Variants in SHISA9 observed in about 807,000 individuals in gnomAD.
The protein encoded by SHISA9 is shisa family member 9.
A neutral mutation model predicts 38.0 loss-of-function variants in SHISA9; 13 were observed. The ratio of observed to expected loss-of-function variants is 0.34; its 90% CI spans 0.22 to 0.54. The LOEUF (loss-of-function observed/expected upper bound fraction) is 0.54. Ranked by LOEUF, SHISA9 falls within the 20% of genes least tolerant of loss-of-function variation. The probability of loss-of-function intolerance (pLI) is 0.91; values close to 1 mark genes in which losing one functional copy is unlikely to be tolerated. For missense variants in SHISA9, 538 were observed against 575.8 expected, an observed-to-expected ratio of 0.93 and a Z score of 0.67; for synonymous variants, 275 against 242.0, an observed-to-expected ratio of 1.14 and a Z score of -1.27.
chr16:13,056,015 T>C (rs531101796), intron 2 of SHISA9, among the ~76,000 whole-genome samples: 53 of 152,162 alleles, frequency 3.5e-4, no homozygotes, highest in Non-Finnish European at 6.3e-4. Flanking sequence ...GCACAGTGGG[T>C]GGCAGATCCG....
At chr16:13,279,865 G>T in the SHISA9 span, among the ~76,000 whole-genome samples, 5 of 151,852 alleles carry the variant, frequency 3.3e-5, no homozygotes, top group Non-Finnish European at 7.4e-5. Context: ...TGTCACTCCA[G>T]TAATGCTCTT....
chr16:13,287,987 C>A, the SHISA9 span, among the ~76,000 whole-genome samples: 7 of 151,994 alleles, frequency 4.6e-5, no homozygotes, highest in Non-Finnish European at 1.0e-4. Context: ...GGACGAGGAG[C>A]TTTGGGAGGT....
intron 2 of SHISA9, among the ~76,000 whole-genome samples, chr16:13,135,418 A>C (rs1368302900): frequency 6.6e-5 from 10 of 152,212 alleles, no homozygotes; most frequent in Non-Finnish European, 1.2e-4. Context: ...CTACATCATC[A>C]TAGTCTTTCC....
the SHISA9 span, among the ~76,000 whole-genome samples, chr16:13,515,092 GT>G: frequency 6.6e-6 from 1 of 152,142 alleles, no homozygotes; most frequent in South Asian, 2.1e-4. Context: ...TCTATACTCA[GT>G]GAGAATATCT....
chr16:12,908,417 A>C, intron 1 of SHISA9: 1 of 1,543,488 alleles, frequency 6.5e-7, no homozygotes, highest in Non-Finnish European at 8.7e-7. Flanking sequence ...TGGTTTTGCA[A>C]TTTTGCCATA....
intron 2 of SHISA9, among the ~76,000 whole-genome samples, chr16:13,165,123 G>C (rs192377570): frequency 1.2e-3 from 183 of 152,090 alleles, no homozygotes; most frequent in African/African-American, 4.1e-3. Context: ...TATTTGTAGA[G>C]TTTTCATAAT....
At chr16:13,240,679 T>C (rs550253805), downstream of SHISA9, among the ~76,000 whole-genome samples, 5 of 152,328 alleles carry the variant, frequency 3.3e-5, no homozygotes, top group South Asian at 2.1e-4. Context: ...GTTGCTAGGT[T>C]TCCTCATCAT....
At chr16:13,462,631 C>G in the SHISA9 span, among the ~76,000 whole-genome samples, 1 of 152,050 alleles carries the variant, frequency 6.6e-6, no homozygotes, top group Non-Finnish European at 1.5e-5. Flanking sequence ...TCGAAACCAG[C>G]CTGGCCAACA....
At position 13,173,153 on chromosome 16, in the gene SHISA9, G is replaced by GCA. The variant is rs10589865; in HGVS notation, c.692-30216_692-30215dup. On this transcript the variant is annotated intron_variant, in intron 2 of 4. Coordinates refer to ENST00000558583, the MANE Select transcript of SHISA9 (RefSeq NM_001145204.3). The stretch of plus-strand genomic sequence containing the variant: ...TATCAGTCAGAAGAGATGCACGTGC[G>GCA]CACACACACACACACACACACACAC... 3.6e-3 allele frequency among the ~76,000 whole-genome samples: 549 copies of GCA among 150,770 alleles called. 2 individuals are homozygous for GCA. The highest frequency in any genetic ancestry group is 6.3e-3 in the South Asian group (30 of 4,744).
At chr16:13,393,787 G>T in the SHISA9 span, among the ~76,000 whole-genome samples, 30 of 152,286 alleles carry the variant, frequency 2.0e-4, no homozygotes, top group Middle Eastern at 3.4e-3. Flanking sequence ...GCTTGAAGGT[G>T]GCTGGCTGTC....
At chr16:13,458,932 A>T in the SHISA9 span, among the ~76,000 whole-genome samples, 1 of 151,060 alleles carries the variant, frequency 6.6e-6, no homozygotes, top group Non-Finnish European at 1.5e-5. Context: ...CAATGGCGTG[A>T]TCTCGGCTCA....
the SHISA9 span, among the ~76,000 whole-genome samples, chr16:13,360,752 G>A: frequency 2.0e-5 from 3 of 152,188 alleles, no homozygotes; most frequent in African/African-American, 7.2e-5. Flanking sequence ...GGAGCTTAGG[G>A]AATTTACACC....
the SHISA9 span, among the ~76,000 whole-genome samples, chr16:13,470,820 C>A: frequency 2.0e-5 from 3 of 152,048 alleles, no homozygotes; most frequent in African/African-American, 7.2e-5. Context: ...GTGTTAAAGT[C>A]CTTGTCTCAG....
At chr16:13,102,308 A>G (rs1284258076) in intron 2 of SHISA9, among the ~76,000 whole-genome samples, 2 of 152,198 alleles carry the variant, frequency 1.3e-5, no homozygotes, top group Non-Finnish European at 2.9e-5. Flanking sequence ...AGGTCACAGG[A>G]TAGAGCAGCC....
the SHISA9 span, among the ~76,000 whole-genome samples, chr16:13,551,115 C>G: frequency 7.0e-6 from 1 of 142,754 alleles, no homozygotes; most frequent in Non-Finnish European, 1.5e-5. Flanking sequence ...CAGTGAGAGA[C>G]TCCATCTCGA....
intron 2 of SHISA9, among the ~76,000 whole-genome samples, chr16:13,011,343 A>T (rs2072671506): frequency 7.5e-6 from 1 of 133,142 alleles, no homozygotes; most frequent in African/African-American, 2.8e-5. Flanking sequence ...TTTTGGCAAG[A>T]GCAGCTACAA....
At chr16:13,056,795 A>G (rs1430497576) in intron 2 of SHISA9, among the ~76,000 whole-genome samples, 1 of 152,252 alleles carries the variant, frequency 6.6e-6, no homozygotes, top group Non-Finnish European at 1.5e-5. Flanking sequence ...TGAGTGCTAC[A>G]TAGGCATTAG....
rs115109802 is a variant in SHISA9, at chr16:12,996,254, G to A, written c.691+79439G>A. 2.6e-3 allele frequency among the ~76,000 whole-genome samples: 392 copies of A among 152,218 alleles called. 1 individual carries two copies. Among genetic ancestry groups the A allele is most frequent in the African/African-American group, 9.2e-3 (382 of 41,536 alleles). On this transcript the variant is annotated intron_variant, in intron 2 of 4. Coordinates refer to ENST00000558583, the MANE Select transcript of SHISA9 (RefSeq NM_001145204.3). ...AATTAATTTCCAGCATTGAAAAACCGAGAGGCTTTATATAAGATCCAGATT... is the reference window on the plus strand; with the variant it reads ...AATTAATTTCCAGCATTGAAAAACCAAGAGGCTTTATATAAGATCCAGATT...
chr16:13,369,792 A>T, the SHISA9 span, among the ~76,000 whole-genome samples: 2 of 152,120 alleles, frequency 1.3e-5, no homozygotes, highest in East Asian at 1.9e-4. Flanking sequence ...ACAAACACTG[A>T]GCTCACAGGG....
Sources: gnomAD v4.1 joint callset for allele counts (sites outside exome capture counted in the v4.1 genomes callset) on GRCh38, gnomAD v4.1.1 for gene constraint, MANE v1.5 for transcripts, NCBI Gene and HGNC (gene_info 2026-07-23, HGNC 2026-07-21) for gene names.